The following CFAP61 variants were observed in gnomAD, a reference collection of about 807,000 sequenced individuals.
CFAP61 encodes cilia- and flagella-associated protein 61.
Under a neutral mutation model 135.6 loss-of-function variants are expected in CFAP61, and 107 were observed. That is an observed-to-expected ratio of 0.79 (90% CI 0.67 to 0.93). CFAP61 has a LOEUF of 0.93. Ranked by LOEUF, CFAP61 falls within the 40% of genes least tolerant of loss-of-function variation. The probability of loss-of-function intolerance (pLI) is 0.00; values close to 1 mark genes in which losing one functional copy is unlikely to be tolerated. For synonymous variants in CFAP61, 575 were observed against 578.5 expected (o/e 0.99, Z 0.09); for missense variants, 1,507 against 1,556.2 (o/e 0.97, Z 0.53).
intron 1 of CFAP61, among the ~76,000 whole-genome samples, chr20:20,053,020 C>A (rs1004262422): frequency 6.6e-6 from 1 of 152,154 alleles, no homozygotes; most frequent in Non-Finnish European, 1.5e-5. Context: ...AATAGAGTAA[C>A]TGGAAAACAA....
At chr20:20,124,657 A>G (rs970068884) in intron 8 of CFAP61, among the ~76,000 whole-genome samples, 4 of 151,538 alleles carry the variant, frequency 2.6e-5, no homozygotes, top group Non-Finnish European at 5.9e-5. Flanking sequence ...TTTGTTAAGG[A>G]TTTTGGCATC....
intron 8 of CFAP61, among the ~76,000 whole-genome samples, chr20:20,140,297 C>T (rs1419135579): frequency 6.6e-6 from 1 of 151,140 alleles, no homozygotes; most frequent in Non-Finnish European, 1.5e-5. Context: ...CACCCATTAA[C>T]TCGTCATTTA....
chr20:20,326,920 C>T (rs1275221194), intron 25 of CFAP61, among the ~76,000 whole-genome samples: 1 of 152,052 alleles, frequency 6.6e-6, no homozygotes, highest in African/African-American at 2.4e-5. Context: ...TATTACCATT[C>T]AGGTCTTTTT....
intron 17 of CFAP61, among the ~76,000 whole-genome samples, chr20:20,227,719 A>G (rs985050230): frequency 6.6e-6 from 1 of 152,214 alleles, no homozygotes; most frequent in Non-Finnish European, 1.5e-5. Flanking sequence ...AATGTTTGCC[A>G]TTTTACAAAT....
At chr20:20,114,084 C>T (rs189195259) in intron 8 of CFAP61, among the ~76,000 whole-genome samples, 1 of 151,168 alleles carries the variant, frequency 6.6e-6, no homozygotes, top group Non-Finnish European at 1.5e-5. Context: ...CCCTGGGCAA[C>T]ATGGTGAAAT....
chr20:20,282,960 T>C (rs1157441255), intron 22 of CFAP61, among the ~76,000 whole-genome samples: 1 of 151,942 alleles, frequency 6.6e-6, no homozygotes, highest in East Asian at 1.9e-4. Flanking sequence ...AAAAAAATTA[T>C]TGAGACTTGT....
At chr20:20,317,715 G>A (rs1023828885) in intron 25 of CFAP61, among the ~76,000 whole-genome samples, 1 of 152,154 alleles carries the variant, frequency 6.6e-6, no homozygotes, top group Non-Finnish European at 1.5e-5. Context: ...GCCAGGCCAG[G>A]ATACGTGCTG....
At chr20:20,121,316 C>T (rs990827616) in intron 8 of CFAP61, among the ~76,000 whole-genome samples, 2 of 151,382 alleles carry the variant, frequency 1.3e-5, no homozygotes, top group African/African-American at 4.9e-5. Flanking sequence ...GCCACATTGT[C>T]CAGGCTGGTC....
At chr20:20,300,488 G>A (rs1290199705) in intron 25 of CFAP61, among the ~76,000 whole-genome samples, 3 of 152,012 alleles carry the variant, frequency 2.0e-5, no homozygotes, top group African/African-American at 2.4e-5. Flanking sequence ...TTTGTGCCTC[G>A]GTTTGTAACA....
At chr20:20,211,964 TA>T (rs73617298) in intron 17 of CFAP61, among the ~76,000 whole-genome samples, 20,572 of 152,104 alleles carry the variant, frequency 0.14, 2,177 homozygotes, top group East Asian at 0.56. Flanking sequence ...ACGGTTGATT[TA>T]AAAAATGGAT....
chr20:20,260,103 G>A (rs999460379), intron 20 of CFAP61, among the ~76,000 whole-genome samples: 2 of 152,214 alleles, frequency 1.3e-5, no homozygotes, highest in African/African-American at 4.8e-5. Context: ...ATGTATGGGT[G>A]TAAGAAACTT....
At position 20,074,337 on chromosome 20, in the gene CFAP61, C is replaced by G; in HGVS notation, c.330C>G (p.Ala110=). Residue 110 remains alanine, a synonymous_variant, in exon 4 of 27, where the codon GCC becomes GCG. Transcript: ENST00000245957. ...CGTTGTTCATGCACCTCTTTGTGGC[C>G]GTGGATGAGTATTCTGTTGGCTGTT... ...LNTLFMHLFV[A]VDEYSVGCCK... 5.6e-6 allele frequency: 9 copies of G among 1,614,074 alleles called. No individual in the cohort carries two copies. The highest frequency in any genetic ancestry group is 7.6e-6 in the Non-Finnish European group (9 of 1,180,006).
intron 13 of CFAP61, among the ~76,000 whole-genome samples, chr20:20,173,567 T>C (rs1274059305): frequency 6.6e-6 from 1 of 152,252 alleles, no homozygotes; most frequent in Non-Finnish European, 1.5e-5. Flanking sequence ...TCTTCTTTGG[T>C]GAGGTGTCTG....
chr20:20,279,361 A>G (rs1385001960), intron 22 of CFAP61, among the ~76,000 whole-genome samples: 2 of 152,176 alleles, frequency 1.3e-5, no homozygotes, highest in African/African-American at 4.8e-5. Flanking sequence ...GGTCACATAA[A>G]CAGTTGATTA....
intron 18 of CFAP61, among the ~76,000 whole-genome samples, chr20:20,228,803 C>T (rs4814967): frequency 6.6e-6 from 1 of 152,060 alleles, no homozygotes; most frequent in African/African-American, 2.4e-5. Context: ...CTTACTGGCC[C>T]GATCACAAAA....
rs528040334 is a variant in CFAP61, at chr20:20,172,344, T to G, written c.1385+2884T>G. 1.9e-5 allele frequency: 17 copies of G among 893,418 alleles called. No individual in the cohort carries two copies. In the East Asian group the frequency reaches 1.6e-3, roughly 86 times the overall value. The allele number at this position is 893,418 out of a possible 1,614,324, so 55.3% of individuals were successfully genotyped here. A position where few individuals can be genotyped will look rare whatever the true frequency, so the allele number is the denominator to read the frequency against. On this transcript the variant is annotated intron_variant, in intron 13 of 26. Coordinates refer to ENST00000245957, the MANE Select transcript of CFAP61 (RefSeq NM_015585.4). Reference sequence around the variant, plus strand: ...AAACTTTTTTTTTTTTGAGACGGCATCTCACTCTGTTGCCCAGGCTGGAAT... The same window carrying G: ...AAACTTTTTTTTTTTTGAGACGGCAGCTCACTCTGTTGCCCAGGCTGGAAT...
At chr20:20,175,495 TTTTGTTTTGTTTTGTTTTGTTTTGTTTTG>T (rs1569067641) in intron 13 of CFAP61, among the ~76,000 whole-genome samples, 305 of 4,228 alleles carry the variant, frequency 0.072, 2 homozygotes, top group Non-Finnish European at 0.23. Context: ...TTTGTTTTTG[TTTTGTTTTGTTTTGTTTTGTTTTGTTTTG>T]TTTTGTTTTG....
At chr20:20,349,914 G>C (rs1224227530) in intron 26 of CFAP61, among the ~76,000 whole-genome samples, 1 of 152,184 alleles carries the variant, frequency 6.6e-6, no homozygotes, top group Non-Finnish European at 1.5e-5. Context: ...AAATGGAAGG[G>C]ACTCCAAATA....
intron 25 of CFAP61, chr20:20,322,574 T>C: frequency 2.1e-6 from 1 of 471,952 alleles, no homozygotes; most frequent in Non-Finnish European, 2.8e-6. Context: ...AGTAAGCCAG[T>C]GTAAAGGAGG....
Sources: allele counts gnomAD v4.1 joint callset (sites outside exome capture counted in the v4.1 genomes callset), GRCh38; gene constraint gnomAD v4.1.1; transcripts MANE v1.5; gene names NCBI Gene and HGNC (gene_info 2026-07-23, HGNC 2026-07-21).